MAGI1: variants seen among roughly 807,000 people sequenced by gnomAD.
The protein encoded by MAGI1 is membrane-associated guanylate kinase, WW and PDZ domain-containing protein 1.
Under a neutral mutation model 139.9 loss-of-function variants are expected in MAGI1, and 58 were observed. The observed-to-expected ratio is 0.41, with a 90% confidence interval of 0.34 to 0.52. MAGI1 has a LOEUF of 0.52. Ranked by LOEUF, MAGI1 falls within the 20% of genes least tolerant of loss-of-function variation. The pLI is 0.12. For synonymous variants in MAGI1, 812 were observed against 737.9 expected (o/e 1.10, Z -1.63); for missense variants, 1,874 against 1,901.6 (o/e 0.99, Z 0.27).
At chr3:65,363,345 A>G in intron 21 of MAGI1, 120 bp downstream of exon 21, 1 of 1,227,848 alleles carries the variant, frequency 8.1e-7, no homozygotes, top group South Asian at 1.7e-5. Context: ...TGCACTTAAG[A>G]GAATCATGAA....
chr3:65,577,247 C>CA (rs554760208), intron 2 of MAGI1, among the ~76,000 whole-genome samples: 37 of 151,604 alleles, frequency 2.4e-4, no homozygotes, highest in Non-Finnish European at 3.4e-4. Flanking sequence ...AAGGATACGC[C>CA]AAAAAAACCC....
intron 1 of MAGI1, among the ~76,000 whole-genome samples, chr3:65,777,938 T>G (rs1207607426): frequency 6.6e-6 from 1 of 152,166 alleles, no homozygotes; most frequent in African/African-American, 2.4e-5. Context: ...ATAGTTCTAT[T>G]AGAGAGTGTG....
At chr3:65,549,940 T>C (rs1267001511) in intron 2 of MAGI1, among the ~76,000 whole-genome samples, 1 of 152,214 alleles carries the variant, frequency 6.6e-6, no homozygotes, top group East Asian at 1.9e-4. Context: ...TTAAATAGCA[T>C]CTGCCATTTT....
At chr3:65,549,423 C>A in intron 2 of MAGI1, 1 of 985,044 alleles carries the variant, frequency 1.0e-6, no homozygotes, top group African/African-American at 1.7e-5. Flanking sequence ...GGCCCCGGAG[C>A]GGCCCCGGAG....
intron 1 of MAGI1, among the ~76,000 whole-genome samples, chr3:66,003,239 C>T (rs2066843343): frequency 6.6e-6 from 1 of 152,156 alleles, no homozygotes; most frequent in Non-Finnish European, 1.5e-5. Flanking sequence ...CCCTCCTTCC[C>T]TCTCCTTCTT....
chr3:65,930,341 A>AAAAAAAAAAT (rs2062751381), intron 1 of MAGI1, among the ~76,000 whole-genome samples: 1 of 139,258 alleles, frequency 7.2e-6, no homozygotes, highest in Admixed American at 7.2e-5. Context: ...AAAAAAAAAA[A>AAAAAAAAAAT]TGTTATTTGT....
intron 13 of MAGI1, among the ~76,000 whole-genome samples, chr3:65,400,067 A>G (rs547318452): frequency 6.6e-6 from 1 of 152,238 alleles, no homozygotes; most frequent in South Asian, 2.1e-4. Flanking sequence ...CATCTTCTGG[A>G]TTTCCTTCCA....
At chr3:65,895,476 T>A (rs2060930536) in intron 1 of MAGI1, among the ~76,000 whole-genome samples, 1 of 152,200 alleles carries the variant, frequency 6.6e-6, no homozygotes, top group Admixed American at 6.5e-5. Context: ...TCAAAAGTAC[T>A]ACAATTCATT....
At chr3:66,036,652 T>A (rs995113949) in intron 1 of MAGI1, among the ~76,000 whole-genome samples, 1 of 152,104 alleles carries the variant, frequency 6.6e-6, no homozygotes, top group Non-Finnish European at 1.5e-5. Context: ...GGCCGCCCCC[T>A]CCTCCATTTC....
intron 1 of MAGI1, among the ~76,000 whole-genome samples, chr3:65,625,952 T>C (rs1187043351): frequency 6.6e-6 from 1 of 152,168 alleles, no homozygotes; most frequent in Non-Finnish European, 1.5e-5. Context: ...GTTCAGGAAA[T>C]GAAATCAACT....
intron 12 of MAGI1, among the ~76,000 whole-genome samples, chr3:65,426,298 G>C (rs1023253337): frequency 3.9e-5 from 6 of 152,158 alleles, no homozygotes; most frequent in African/African-American, 1.2e-4. Context: ...CCTTCAGCTC[G>C]ATTTCCAGAT....
At chr3:65,468,176 A>G (rs1950291300) in intron 5 of MAGI1, among the ~76,000 whole-genome samples, 1 of 152,120 alleles carries the variant, frequency 6.6e-6, no homozygotes, top group Non-Finnish European at 1.5e-5. Flanking sequence ...CCTTTAGTTG[A>G]GCTCTTAACT....
chr3:65,407,844 A>G (rs1559529892), intron 12 of MAGI1, among the ~76,000 whole-genome samples: 1 of 152,220 alleles, frequency 6.6e-6, no homozygotes. Flanking sequence ...GCCAATATGT[A>G]GCATGCCTGG....
chr3:65,756,401 T>C (rs2107848813), intron 1 of MAGI1, among the ~76,000 whole-genome samples: 1 of 152,330 alleles, frequency 6.6e-6, no homozygotes, highest in East Asian at 1.9e-4. Flanking sequence ...AAGTTGCATG[T>C]ACTAGTAAAT....
intron 2 of MAGI1, among the ~76,000 whole-genome samples, chr3:65,509,491 G>C (rs1431198120): frequency 2.0e-5 from 3 of 152,216 alleles, no homozygotes; most frequent in Non-Finnish European, 2.9e-5. Context: ...TGCCTCACTT[G>C]GGAAGCGCAA....
intron 1 of MAGI1, among the ~76,000 whole-genome samples, chr3:65,912,328 A>G (rs1358918151): frequency 2.0e-5 from 3 of 152,072 alleles, no homozygotes; most frequent in Non-Finnish European, 4.4e-5. Context: ...TGACAAAACC[A>G]AGTCAGGGGC....
intron 2 of MAGI1, among the ~76,000 whole-genome samples, chr3:65,506,977 T>C (rs973407830): frequency 2.6e-5 from 4 of 152,202 alleles, no homozygotes; most frequent in Non-Finnish European, 2.9e-5. Context: ...TACAGCGAAA[T>C]AGTCACGAAC....
chr3:65,679,607 G>A (rs1218268383), intron 1 of MAGI1, among the ~76,000 whole-genome samples: 1 of 152,088 alleles, frequency 6.6e-6, no homozygotes, highest in Non-Finnish European at 1.5e-5. Flanking sequence ...AGGCTATCAA[G>A]AAGAAAGGAG....
intron 1 of MAGI1, among the ~76,000 whole-genome samples, chr3:65,681,935 A>C (rs2087618863): frequency 6.6e-6 from 1 of 152,066 alleles, no homozygotes; most frequent in South Asian, 2.1e-4. Context: ...TTGTGACTTC[A>C]AGCTATCCTC....
Sources: allele counts gnomAD v4.1 joint callset (sites outside exome capture counted in the v4.1 genomes callset), GRCh38; gene constraint gnomAD v4.1.1; transcripts MANE v1.5; gene names NCBI Gene and HGNC (gene_info 2026-07-23, HGNC 2026-07-21).